The following APBB1IP variants were observed in gnomAD, a reference collection of about 807,000 sequenced individuals.
APBB1IP encodes amyloid beta A4 precursor protein-binding family B member 1-interacting protein.
APBB1IP carries 27 observed loss-of-function variants against 64.9 expected under a neutral mutation model. The observed-to-expected ratio is 0.42, with a 90% confidence interval of 0.31 to 0.57. The LOEUF (loss-of-function observed/expected upper bound fraction) is 0.57. Ranked by LOEUF, APBB1IP falls within the 20% of genes least tolerant of loss-of-function variation. The probability of loss-of-function intolerance (pLI) is 0.20; values close to 1 mark genes in which losing one functional copy is unlikely to be tolerated. For synonymous variants in APBB1IP, 392 were observed against 331.0 expected, an observed-to-expected ratio of 1.18 and a Z score of -2.00; for missense variants, 812 against 845.5, an observed-to-expected ratio of 0.96 and a Z score of 0.49.
intron 5 of APBB1IP, chr10:26,501,535 C>T: frequency 4.3e-6 from 1 of 233,652 alleles, no homozygotes; most frequent in Non-Finnish European, 8.4e-6. Flanking sequence ...TTGAACTTGG[C>T]AGCCCTGTTC....
intron 2 of APBB1IP, among the ~76,000 whole-genome samples, chr10:26,447,828 G>C (rs142313814): frequency 6.6e-6 from 1 of 152,010 alleles, no homozygotes; most frequent in South Asian, 2.1e-4. Context: ...TTTGAGAAAC[G>C]AGGCACTATA....
chr10:26,567,575 C>T lies in APBB1IP; in HGVS notation c.*87C>T. The T allele has an allele frequency of 6.8e-7, 1 of 1,468,938 alleles. No individual in the cohort carries two copies. The highest frequency in any genetic ancestry group is 2.9e-5 in the East Asian group (1 of 34,040). The allele number at this position is 1,468,938 out of a possible 1,614,324, so 91.0% of individuals were successfully genotyped here. A position where few individuals can be genotyped will look rare whatever the true frequency, so the allele number is the denominator to read the frequency against. The stretch of plus-strand genomic sequence containing the variant: ...TAGCAGATTGCCCTGACATCTTGTT[C>T]ATTTCAGATAAAATGTGATGGGAAA... On this transcript the variant is annotated 3_prime_UTR_variant, in exon 15 of 15. Coordinates refer to ENST00000376236, the MANE Select transcript of APBB1IP (RefSeq NM_019043.4).
chr10:26,566,979 G>C lies in APBB1IP; in HGVS notation c.1492G>C (p.Gly498Arg). 6.3e-7 allele frequency: 1 copy of C among 1,580,286 alleles called. No individual in the cohort carries two copies. Among genetic ancestry groups the C allele is most frequent in the Non-Finnish European group, 8.5e-7 (1 of 1,172,208 alleles). ...ETSKDKKPAL[G>R]NHHDPAVPRA... ...GTTGCAGGATAAGAAGCCAGCCCTC[G>C]GGAACCACCACGACCCGGCAGTGCC... The change falls in exon 15 of 15, where the codon GGG (glycine) becomes CGG (arginine). Residue 498 changes from glycine to arginine, a missense_variant. Physicochemically the swap from Gly to Arg is moderately radical, Grantham distance 125 (BLOSUM62 -2). This residue lies in a region of APBB1IP where 381 missense variants were observed against 352.1 expected (regional missense o/e 1.08). Coordinates refer to ENST00000376236, the MANE Select transcript of APBB1IP (RefSeq NM_019043.4).
chr10:26,511,143 C>T (rs942682835), intron 6 of APBB1IP, among the ~76,000 whole-genome samples: 2 of 151,990 alleles, frequency 1.3e-5, no homozygotes, highest in Non-Finnish European at 2.9e-5. Flanking sequence ...GAGTTCAAGA[C>T]CAGCCTGGCT....
At chr10:26,521,215 G>A (rs1836397324) in intron 8 of APBB1IP, among the ~76,000 whole-genome samples, 1 of 152,166 alleles carries the variant, frequency 6.6e-6, no homozygotes, top group Non-Finnish European at 1.5e-5. Context: ...TTGAGATTTG[G>A]TGAGGGTGCA....
At chr10:26,459,361 C>T (rs1037639984) in intron 2 of APBB1IP, among the ~76,000 whole-genome samples, 32 of 152,080 alleles carry the variant, frequency 2.1e-4, no homozygotes, top group African/African-American at 7.0e-4. Context: ...TGGGTCGGTT[C>T]CAAGTTTTGC....
intron 2 of APBB1IP, among the ~76,000 whole-genome samples, chr10:26,465,054 G>A (rs1280818909): frequency 1.3e-5 from 2 of 152,198 alleles, no homozygotes; most frequent in East Asian, 3.8e-4. Context: ...TTTTAGACAT[G>A]TGCTTTCTCG....
At chr10:26,533,643 G>A (rs1429801666) in intron 9 of APBB1IP, 118 bp downstream of exon 9, 6 of 530,230 alleles carry the variant, frequency 1.1e-5, no homozygotes, top group Non-Finnish European at 1.9e-5. Context: ...TTAAGTTGGG[G>A]TGTTAAAATC....
intron 2 of APBB1IP, among the ~76,000 whole-genome samples, chr10:26,487,290 T>A (rs1231789643): frequency 6.6e-6 from 1 of 152,094 alleles, no homozygotes; most frequent in East Asian, 1.9e-4. Context: ...ACAGCCCTAT[T>A]TTCTTACGCT....
chr10:26,558,819 G>C (rs919557462), intron 11 of APBB1IP, among the ~76,000 whole-genome samples: 7 of 152,116 alleles, frequency 4.6e-5, no homozygotes, highest in African/African-American at 1.4e-4. Flanking sequence ...GAAGCAATGA[G>C]GACTAGGAGG....
At chr10:26,482,320 A>C (rs1461748044) in intron 2 of APBB1IP, among the ~76,000 whole-genome samples, 1 of 152,206 alleles carries the variant, frequency 6.6e-6, no homozygotes, top group Non-Finnish European at 1.5e-5. Context: ...GCTACACAGA[A>C]GCCTCGGCTT....
chr10:26,453,631 A>G (rs1044945277), intron 2 of APBB1IP, among the ~76,000 whole-genome samples: 1 of 152,152 alleles, frequency 6.6e-6, no homozygotes, highest in Admixed American at 6.6e-5. Context: ...GGAGACCACT[A>G]GTGTTCCTCT....
chr10:26,439,005 C>G (rs2992335), intron 2 of APBB1IP, among the ~76,000 whole-genome samples, 152 bp downstream of exon 2: 92,136 of 152,070 alleles, frequency 0.61, 28,462 homozygotes, highest in East Asian at 0.92. Context: ...GCGTGGCCCT[C>G]GAGCGCAGCG....
chr10:26,529,987 C>T (rs1229851206), intron 8 of APBB1IP, among the ~76,000 whole-genome samples: 7 of 152,108 alleles, frequency 4.6e-5, no homozygotes, highest in African/African-American at 9.7e-5. Context: ...GTTCATCATA[C>T]GTGATTCAAA....
chr10:26,457,393 G>A (rs1343649504), intron 2 of APBB1IP, among the ~76,000 whole-genome samples: 4 of 152,166 alleles, frequency 2.6e-5, no homozygotes, highest in African/African-American at 9.7e-5. Context: ...TCCTGCCTCC[G>A]CCTTCCAAAG....
intron 11 of APBB1IP, among the ~76,000 whole-genome samples, chr10:26,542,458 T>C (rs1403641139): frequency 1.3e-5 from 2 of 152,170 alleles, no homozygotes; most frequent in Non-Finnish European, 1.5e-5. Flanking sequence ...TCCTGGCCGA[T>C]TTACATTTTT....
chr10:26,457,685 G>A (rs923730200), intron 2 of APBB1IP, among the ~76,000 whole-genome samples: 3 of 152,188 alleles, frequency 2.0e-5, no homozygotes, highest in African/African-American at 7.2e-5. Context: ...TAAACCACCG[G>A]TAGGGCTGCC....
At chr10:26,521,116 T>C (rs1836395996) in intron 8 of APBB1IP, among the ~76,000 whole-genome samples, 1 of 152,170 alleles carries the variant, frequency 6.6e-6, no homozygotes, top group African/African-American at 2.4e-5. Flanking sequence ...TATGCACTGT[T>C]CCATTTGAAA....
intron 2 of APBB1IP, among the ~76,000 whole-genome samples, chr10:26,489,887 T>C (rs934351394): frequency 6.6e-6 from 1 of 152,020 alleles, no homozygotes; most frequent in African/African-American, 2.4e-5. Flanking sequence ...TAGCCAGGCA[T>C]AGTGGTGGGT....
Sources: gnomAD v4.1 joint callset for allele counts (sites outside exome capture counted in the v4.1 genomes callset) on GRCh38, gnomAD v4.1.1 for gene constraint, gnomAD v4.1.1 regional missense constraint, MANE v1.5 for transcripts, NCBI Gene and HGNC (gene_info 2026-07-23, HGNC 2026-07-21) for gene names.